The following CCDC144A variants were observed in gnomAD, a reference collection of about 807,000 sequenced individuals.
The protein encoded by CCDC144A is coiled-coil domain containing 144A.
CCDC144A carries 41 observed loss-of-function variants against 143.8 expected under a neutral mutation model. That is an observed-to-expected ratio of 0.29 (90% CI 0.22 to 0.37). The LOEUF is 0.37. CCDC144A is among the 10% of genes least tolerant of loss of function. The pLI is 1.00. For missense variants in CCDC144A, 637 were observed against 1,488.8 expected (o/e 0.43, Z 9.41); for synonymous variants, 242 against 517.9 (o/e 0.47, Z 7.23).
chr17:16,737,294 G>A (rs1357234328), intron 12 of CCDC144A, among the ~76,000 whole-genome samples: 1 of 146,700 alleles, frequency 6.8e-6, no homozygotes, highest in Non-Finnish European at 1.5e-5. Context: ...AGCCTCCCAA[G>A]TAGCTGGGAC....
At chr17:16,756,749 A>C (rs1384287454) in intron 12 of CCDC144A, among the ~76,000 whole-genome samples, 4 of 151,698 alleles carry the variant, frequency 2.6e-5, no homozygotes, top group Non-Finnish European at 4.4e-5. Flanking sequence ...CTGGTGTAAC[A>C]GTCACTTCAT....
the CCDC144A span, among the ~76,000 whole-genome samples, chr17:16,669,155 C>T: frequency 6.6e-6 from 1 of 152,080 alleles, no homozygotes; most frequent in Non-Finnish European, 1.5e-5. Context: ...CTAATAAAGT[C>T]ATATAGTAGT....
At chr17:16,756,826 C>T (rs1463678913) in intron 12 of CCDC144A, among the ~76,000 whole-genome samples, 3 of 151,998 alleles carry the variant, frequency 2.0e-5, no homozygotes. Flanking sequence ...GGTGCTCTGG[C>T]ATTGATGATG....
chr17:16,745,256 C>T (rs996098208), intron 12 of CCDC144A, among the ~76,000 whole-genome samples: 6 of 150,928 alleles, frequency 4.0e-5, no homozygotes, highest in Admixed American at 2.0e-4. Flanking sequence ...TGCTTACAAA[C>T]GAATGAAACC....
At chr17:16,751,436 C>T (rs1476807298) in intron 12 of CCDC144A, among the ~76,000 whole-genome samples, 1 of 152,154 alleles carries the variant, frequency 6.6e-6, no homozygotes, top group East Asian at 1.9e-4. Context: ...TACGGGCTGG[C>T]ATGCCTCTTT....
chr17:16,666,774 C>G, the CCDC144A span: 1 of 177,640 alleles, frequency 5.6e-6, no homozygotes, highest in African/African-American at 2.4e-5. Context: ...CCGTGGGCTC[C>G]TGGCAGGAGG....
At chr17:16,680,641 G>A in the CCDC144A span, among the ~76,000 whole-genome samples, 1 of 146,276 alleles carries the variant, frequency 6.8e-6, no homozygotes, top group Admixed American at 6.9e-5. Flanking sequence ...GGAAGAAAGG[G>A]AGGGAGGGAG....
upstream of CCDC144A, among the ~76,000 whole-genome samples, chr17:16,686,424 T>C (rs1264902029): frequency 6.6e-6 from 1 of 152,180 alleles, no homozygotes; most frequent in African/African-American, 2.4e-5. Context: ...AATTTATTTT[T>C]ATAACTCAAG....
chr17:16,773,173 G>A (rs540206), intron 16 of CCDC144A, among the ~76,000 whole-genome samples: 32,376 of 148,356 alleles, frequency 0.22, no homozygotes, highest in Non-Finnish European at 0.29. Context: ...CTTTGGCCAG[G>A]CATGTTGGCT....
At chr17:16,766,377 T>G (rs564502499) in intron 15 of CCDC144A, 1 of 152,392 alleles carries the variant, frequency 6.6e-6, no homozygotes, top group South Asian at 2.1e-4. Flanking sequence ...CCAAGATATT[T>G]TCCTTTCACA....
intron 12 of CCDC144A, among the ~76,000 whole-genome samples, chr17:16,744,539 C>G (rs2543786): frequency 6.6e-6 from 1 of 151,720 alleles, no homozygotes; most frequent in Non-Finnish European, 1.5e-5. Context: ...GTATTTTGCC[C>G]GCTTTTATAT....
In CCDC144A at chr17:16,759,429, A is replaced by G. The variant is rs563123489; in HGVS notation, c.3373-1996A>G. Reference sequence around the variant, plus strand: ...AACCATGCTAAGTCAAGGACTGTCTATATTTGGGAATCTGACATGTGGAGA... The same window carrying G: ...AACCATGCTAAGTCAAGGACTGTCTGTATTTGGGAATCTGACATGTGGAGA... On this transcript the variant is annotated intron_variant, in intron 12 of 16. Coordinates refer to ENST00000399273, the MANE Select transcript of CCDC144A (RefSeq NM_001382000.1). Among the ~76,000 whole-genome samples, 562 of 152,260 alleles carry G rather than the reference A, an allele frequency of 3.7e-3. 3 individuals carry two copies. The highest frequency in any genetic ancestry group is 0.01 in the Middle Eastern group (3 of 294).
chr17:16,687,128 C>T (rs180780143), upstream of CCDC144A, among the ~76,000 whole-genome samples: 8 of 152,262 alleles, frequency 5.3e-5, no homozygotes, highest in Non-Finnish European at 8.8e-5. Context: ...CTTTCAGAGG[C>T]CACAACAGCC....
At chr17:16,764,316 T>G in intron 15 of CCDC144A, 141 bp downstream of exon 15, 1 of 1,470,008 alleles carries the variant, frequency 6.8e-7, no homozygotes, top group Non-Finnish European at 9.0e-7. Context: ...GAGACAGAAA[T>G]TTTACCGTTA....
chr17:16,671,658 C>T, the CCDC144A span, among the ~76,000 whole-genome samples: 7 of 151,992 alleles, frequency 4.6e-5, 1 homozygote, highest in Admixed American at 2.0e-4. Flanking sequence ...ATATTGGTCC[C>T]TACTCTTCAG....
chr17:16,756,979 G>A (rs1182486694), intron 12 of CCDC144A, among the ~76,000 whole-genome samples: 1 of 152,256 alleles, frequency 6.6e-6, no homozygotes, highest in Non-Finnish European at 1.5e-5. Context: ...GTGATGGGGA[G>A]GACAGCAGGC....
chr17:16,761,715 G>A lies in CCDC144A; in HGVS notation c.3663G>A (p.Leu1221=), dbSNP rs1309059351. The A allele has an allele frequency of 2.5e-6, 4 of 1,607,040 alleles. No individual in the cohort carries two copies. Among genetic ancestry groups the A allele is most frequent in the Middle Eastern group, 1.7e-4 (1 of 6,016 alleles). Residue 1221 remains leucine (L), a synonymous_variant, in exon 13 of 17, where the codon TTG becomes TTA. Coordinates refer to ENST00000399273, the MANE Select transcript of CCDC144A (RefSeq NM_001382000.1). The stretch of plus-strand genomic sequence containing the variant: ...AATTAAACGAAGCCATTCTCACCTT[G>A]CAGGTTGGTTTATTTATCTGTAATG... The part of the protein sequence containing the change: ...EEKLNEAILT[L]QKQAAVSHEQ...
Position 16,774,817 on chromosome 17 carries a change from T to C in CCDC144A, c.*1184T>C, listed in dbSNP as rs1597602177. 6.8e-6 allele frequency: 1 copy of C among 147,746 alleles called. No individual in the cohort carries two copies. Among genetic ancestry groups the C allele is most frequent in the Middle Eastern group, 3.5e-3 (1 of 288 alleles). The allele number at this position is 147,746 out of a possible 1,614,324, so 9.2% of individuals were successfully genotyped here. On this transcript the variant is annotated 3_prime_UTR_variant, in exon 17 of 17. Coordinates refer to ENST00000399273, the MANE Select transcript of CCDC144A (RefSeq NM_001382000.1). The stretch of plus-strand genomic sequence containing the variant: ...CATCCCATCACCTAGGTATTAATAA[T>C]AGCCCAGCATCCATTAGCTGTTCTT...
intron 9 of CCDC144A, among the ~76,000 whole-genome samples, chr17:16,728,408 T>C (rs947440800): frequency 1.3e-5 from 2 of 152,186 alleles, no homozygotes; most frequent in Admixed American, 6.5e-5. Context: ...TTCTCCAATA[T>C]AGAATTATTG....
Sources: allele counts gnomAD v4.1 joint callset (sites outside exome capture counted in the v4.1 genomes callset), GRCh38; gene constraint gnomAD v4.1.1; transcripts MANE v1.5; gene names NCBI Gene and HGNC (gene_info 2026-07-23, HGNC 2026-07-21).